Variants in ANO10 observed in about 807,000 individuals in gnomAD.
ANO10 encodes anoctamin 10.
Under a neutral mutation model 74.7 loss-of-function variants are expected in ANO10, and 77 were observed. The ratio of observed to expected loss-of-function variants is 1.03; its 90% CI spans 0.86 to 1.25. The LOEUF (loss-of-function observed/expected upper bound fraction) is 1.25. Ranked by LOEUF, ANO10 falls within the 50% of genes most tolerant of loss-of-function variation. The pLI, the probability that ANO10 is intolerant of heterozygous loss-of-function variation, is 0.00. For synonymous variants in ANO10, 279 were observed against 284.9 expected (o/e 0.98, Z 0.21); for missense variants, 721 against 778.1 (o/e 0.93, Z 0.87).
chr3:43,479,088 C>T (rs942470689), intron 11 of ANO10, among the ~76,000 whole-genome samples: 10 of 152,196 alleles, frequency 6.6e-5, no homozygotes, highest in Admixed American at 6.5e-4. Context: ...TTTTCCTTTT[C>T]ACTCGTGCAT....
intron 12 of ANO10, among the ~76,000 whole-genome samples, chr3:43,368,949 A>C (rs2091508101): frequency 6.6e-6 from 1 of 152,228 alleles, no homozygotes; most frequent in African/African-American, 2.4e-5. Flanking sequence ...GAAGAAAATC[A>C]AAATGGGAGC....
chr3:43,390,440 C>T (rs1027824720), intron 12 of ANO10, among the ~76,000 whole-genome samples: 4 of 152,226 alleles, frequency 2.6e-5, no homozygotes, highest in African/African-American at 9.6e-5. Context: ...TTTCAGGGTC[C>T]TCCCATTTGA....
At chr3:43,666,176 T>C (rs898349537) in intron 1 of ANO10, among the ~76,000 whole-genome samples, 4 of 152,158 alleles carry the variant, frequency 2.6e-5, no homozygotes, top group Non-Finnish European at 5.9e-5. Flanking sequence ...TATTTCAAGC[T>C]TTAAAGAATA....
chr3:43,547,294 A>G (rs1303719791), intron 11 of ANO10, among the ~76,000 whole-genome samples: 4 of 152,218 alleles, frequency 2.6e-5, no homozygotes, highest in African/African-American at 7.2e-5. Context: ...ATTGGCTAAC[A>G]AAAGTTATTA....
At chr3:43,584,383 G>A (rs1423787354) in intron 4 of ANO10, among the ~76,000 whole-genome samples, 2 of 152,094 alleles carry the variant, frequency 1.3e-5, no homozygotes, top group African/African-American at 4.8e-5. Context: ...TTTAATAGAT[G>A]GACAGTGGGA....
chr3:43,601,330 C>T (rs771181791), intron 2 of ANO10, among the ~76,000 whole-genome samples: 7 of 152,104 alleles, frequency 4.6e-5, no homozygotes, highest in South Asian at 2.1e-4. Flanking sequence ...CTTTGCCTCT[C>T]GAGTAGCTGG....
intron 11 of ANO10, among the ~76,000 whole-genome samples, chr3:43,497,598 T>C (rs1165753094): frequency 4.6e-5 from 7 of 152,132 alleles, no homozygotes; most frequent in Non-Finnish European, 8.8e-5. Flanking sequence ...ACTGAATCTT[T>C]GGGAAGCTGT....
At chr3:43,386,648 CGT>C (rs36065814) in intron 12 of ANO10, among the ~76,000 whole-genome samples, 2,677 of 139,890 alleles carry the variant, frequency 0.019, 34 homozygotes, top group African/African-American at 0.038. Context: ...TAGGTGTGTA[CGT>C]GTGTGTGTGT....
intron 11 of ANO10, among the ~76,000 whole-genome samples, chr3:43,507,814 G>T (rs1201126391): frequency 6.6e-6 from 1 of 152,048 alleles, no homozygotes; most frequent in East Asian, 1.9e-4. Context: ...TCTGCACACG[G>T]GTCTGGTTTT....
chr3:43,366,710 G>T lies in ANO10; in HGVS notation c.*196C>A, dbSNP rs73831274. On this transcript the variant is annotated 3_prime_UTR_variant, in exon 13 of 13. Coordinates refer to ENST00000292246, the MANE Select transcript of ANO10 (RefSeq NM_018075.5). ...AGGAGCAGACAGGGTGGGGCTGGGG[G>T]AACTGCCAAGGATCCCGAGCCAAGC... The T allele has an allele frequency of 9.2e-3, 5,901 of 641,070 alleles. 238 individuals are homozygous for T. Among genetic ancestry groups the T allele is most frequent in the African/African-American group, 0.086 (4,800 of 55,558 alleles). The allele number at this position is 641,070 out of a possible 1,614,324, so 39.7% of individuals were successfully genotyped here.
At chr3:43,466,382 A>AC (rs1352214928) in intron 11 of ANO10, among the ~76,000 whole-genome samples, 988 of 97,372 alleles carry the variant, frequency 0.01, 16 homozygotes, top group African/African-American at 0.03. Context: ...AAAAAAAAAA[A>AC]AAAAACAAAC....
At chr3:43,512,819 C>T (rs1201574527) in intron 11 of ANO10, among the ~76,000 whole-genome samples, 2 of 152,112 alleles carry the variant, frequency 1.3e-5, no homozygotes, top group African/African-American at 4.8e-5. Context: ...TATAAAATAA[C>T]ACTTTCAAGA....
intron 5 of ANO10, among the ~76,000 whole-genome samples, chr3:43,578,724 TG>T (rs2081124765): frequency 8.7e-6 from 1 of 115,490 alleles, no homozygotes; most frequent in Non-Finnish European, 1.6e-5. Context: ...CACTCCGGCA[TG>T]GGCCACAGAG....
chr3:43,519,464 CTG>C, intron 11 of ANO10, among the ~76,000 whole-genome samples: 1 of 152,142 alleles, frequency 6.6e-6, no homozygotes, highest in African/African-American at 2.4e-5. Context: ...TCTTGTGATC[CTG>C]CCACTGAGGG....
At chr3:43,574,477 G>T (rs1295984127) in intron 7 of ANO10, among the ~76,000 whole-genome samples, 4 of 152,028 alleles carry the variant, frequency 2.6e-5, no homozygotes, top group African/African-American at 4.8e-5. Context: ...CACCATGTTG[G>T]CCAGGCTGGT....
chr3:43,514,094 G>GA (rs1559635251), intron 11 of ANO10, among the ~76,000 whole-genome samples: 1 of 150,714 alleles, frequency 6.6e-6, no homozygotes, highest in Non-Finnish European at 1.5e-5. Context: ...AGCAAAAATA[G>GA]AAAAAATAGC....
At chr3:43,449,748 G>T (rs2074771984) in intron 11 of ANO10, among the ~76,000 whole-genome samples, 1 of 151,932 alleles carries the variant, frequency 6.6e-6, no homozygotes, top group Non-Finnish European at 1.5e-5. Context: ...TTTTTCTTCA[G>T]CATTGTGTTG....
chr3:43,667,973 T>C (rs1477682405), intron 1 of ANO10, among the ~76,000 whole-genome samples: 1 of 152,182 alleles, frequency 6.6e-6, no homozygotes, highest in Non-Finnish European at 1.5e-5. Flanking sequence ...GATTGCTAGA[T>C]CAAAAGGTAG....
intron 11 of ANO10, among the ~76,000 whole-genome samples, chr3:43,525,683 T>C (rs988318286): frequency 6.6e-6 from 1 of 152,252 alleles, no homozygotes; most frequent in Non-Finnish European, 1.5e-5. Context: ...TTTGTCTCTC[T>C]TCTTTCCTCT....
Sources: allele counts gnomAD v4.1 joint callset (sites outside exome capture counted in the v4.1 genomes callset), GRCh38; gene constraint gnomAD v4.1.1; transcripts MANE v1.5; gene names NCBI Gene and HGNC (gene_info 2026-07-23, HGNC 2026-07-21).